Variants in GUCY1A2 observed in about 807,000 individuals in gnomAD.
GUCY1A2 encodes the protein guanylate cyclase 1 soluble subunit alpha 2.
In GUCY1A2, 27 loss-of-function variants were observed where a neutral mutation model predicts 63.5. The observed-to-expected ratio is 0.43, with a 90% CI of 0.31 to 0.59. The LOEUF (loss-of-function observed/expected upper bound fraction) is 0.59. Among genes scored for constraint, GUCY1A2 ranks in the 20% least tolerant of loss-of-function variants. The pLI is 0.11. For synonymous variants in GUCY1A2, 364 were observed against 343.5 expected, an observed-to-expected ratio of 1.06 and a Z score of -0.66; for missense variants, 768 against 913.3, an observed-to-expected ratio of 0.84 and a Z score of 2.05.
chr11:106,926,766 A>G (rs890752549), intron 4 of GUCY1A2, among the ~76,000 whole-genome samples: 6 of 151,968 alleles, frequency 3.9e-5, no homozygotes, highest in African/African-American at 1.4e-4. Flanking sequence ...CACTCGAAAG[A>G]AATGTCTGGG....
chr11:106,699,875 A>G (rs990405307), intron 7 of GUCY1A2, among the ~76,000 whole-genome samples: 9 of 150,932 alleles, frequency 6.0e-5, no homozygotes, highest in Admixed American at 1.3e-4. Context: ...TCCGCCTCCC[A>G]GGTTCACGCC....
intron 4 of GUCY1A2, among the ~76,000 whole-genome samples, chr11:106,904,440 T>G (rs1474678481): frequency 6.6e-6 from 1 of 152,158 alleles, no homozygotes; most frequent in Non-Finnish European, 1.5e-5. Context: ...AGTAAACATC[T>G]ATGTCTCAGT....
At chr11:106,788,702 G>A (rs59958515) in intron 5 of GUCY1A2, among the ~76,000 whole-genome samples, 3 of 152,128 alleles carry the variant, frequency 2.0e-5, no homozygotes, top group African/African-American at 7.2e-5. Context: ...TGTCAAAATT[G>A]AGTTAACTAT....
chr11:106,986,016 G>T, intron 2 of GUCY1A2, 54 bp downstream of exon 2: 1 of 893,838 alleles, frequency 1.1e-6, no homozygotes, highest in Non-Finnish European at 1.9e-6. Context: ...AGCTATGTTT[G>T]AGTAATTACC....
intron 4 of GUCY1A2, among the ~76,000 whole-genome samples, chr11:106,835,927 A>G (rs1392184128): frequency 6.6e-6 from 1 of 151,976 alleles, no homozygotes; most frequent in Non-Finnish European, 1.5e-5. Flanking sequence ...GGAAACAAAG[A>G]ATGGGACGAA....
chr11:106,902,774 C>A (rs992182194), intron 4 of GUCY1A2, among the ~76,000 whole-genome samples: 5 of 152,104 alleles, frequency 3.3e-5, no homozygotes, highest in Admixed American at 1.3e-4. Flanking sequence ...TGTTCCCTAA[C>A]AATACAACTA....
intron 5 of GUCY1A2, among the ~76,000 whole-genome samples, chr11:106,803,008 C>CA (rs1298624993): frequency 6.6e-6 from 1 of 152,104 alleles, no homozygotes; most frequent in Non-Finnish European, 1.5e-5. Context: ...ACAAAAACCT[C>CA]AAAACACTTT....
At chr11:106,987,482 C>G (rs1861416838) in intron 1 of GUCY1A2, among the ~76,000 whole-genome samples, 2 of 152,130 alleles carry the variant, frequency 1.3e-5, no homozygotes, top group South Asian at 2.1e-4. Flanking sequence ...GAAACCCTGT[C>G]TCTACTAAAA....
At chr11:106,822,597 A>G (rs1453435669) in intron 4 of GUCY1A2, among the ~76,000 whole-genome samples, 2 of 152,194 alleles carry the variant, frequency 1.3e-5, no homozygotes, top group Non-Finnish European at 2.9e-5. Flanking sequence ...GCTCCTACTT[A>G]TAAGTGAGAA....
At chr11:106,739,276 C>A (rs892092378) in intron 6 of GUCY1A2, among the ~76,000 whole-genome samples, 2 of 152,120 alleles carry the variant, frequency 1.3e-5, no homozygotes, top group African/African-American at 4.8e-5. Flanking sequence ...TGCTTTTCAG[C>A]TTAAGAAGAT....
intron 1 of GUCY1A2, among the ~76,000 whole-genome samples, chr11:107,011,208 T>C (rs1324886023): frequency 6.6e-6 from 1 of 152,330 alleles, no homozygotes; most frequent in South Asian, 2.1e-4. Flanking sequence ...CCTATGTGCC[T>C]ACATGTGTGT....
In GUCY1A2 at chr11:106,814,422, G is replaced by A. The variant is rs192516446; in HGVS notation, c.1207-3944C>T. ...GCTCTAGCTAAAAAAGCAGGAGACA[G>A]TGCCCAGTCTGAGAAGCTTCCATGT... On this transcript the variant is annotated intron_variant, in intron 4 of 7. Coordinates refer to ENST00000526355, the MANE Select transcript of GUCY1A2 (RefSeq NM_000855.3). Among the ~76,000 whole-genome samples, 41 of 152,188 alleles carry A rather than the reference G, an allele frequency of 2.7e-4. No individual in the cohort carries two copies. In the East Asian group the frequency reaches 5.6e-3, roughly 21 times the overall value.
At chr11:106,813,282 G>A (rs1048046034) in intron 4 of GUCY1A2, among the ~76,000 whole-genome samples, 2 of 151,956 alleles carry the variant, frequency 1.3e-5, no homozygotes, top group African/African-American at 4.8e-5. Flanking sequence ...TTTGCTCTGA[G>A]CTATAGTAAA....
intron 4 of GUCY1A2, chr11:106,825,075 A>G (rs984611442): frequency 1.0e-4 from 65 of 645,472 alleles, no homozygotes; most frequent in African/African-American, 9.9e-4. Context: ...GTATGGATCT[A>G]TATTTTCAGA....
chr11:106,893,391 A>T (rs893081908), intron 4 of GUCY1A2, among the ~76,000 whole-genome samples: 1 of 152,208 alleles, frequency 6.6e-6, no homozygotes, highest in Admixed American at 6.5e-5. Context: ...TCTTTAAAAA[A>T]AAACTTAAAG....
chr11:106,827,901 T>TC, intron 4 of GUCY1A2: 1 of 1,491,002 alleles, frequency 6.7e-7, no homozygotes, highest in Non-Finnish European at 9.3e-7. Flanking sequence ...GCTGCCGGAC[T>TC]CCCAGTGGTT....
intron 5 of GUCY1A2, among the ~76,000 whole-genome samples, chr11:106,804,903 T>C (rs1284491841): frequency 6.6e-6 from 1 of 152,162 alleles, no homozygotes; most frequent in Non-Finnish European, 1.5e-5. Flanking sequence ...TATCATCTAG[T>C]CCCCTTGGGC....
chr11:106,781,944 C>T (rs1314754909), intron 5 of GUCY1A2, among the ~76,000 whole-genome samples: 1 of 152,110 alleles, frequency 6.6e-6, no homozygotes, highest in Admixed American at 6.6e-5. Context: ...ATTTCATTCC[C>T]ATAACATTTT....
intron 4 of GUCY1A2, among the ~76,000 whole-genome samples, chr11:106,830,370 C>T (rs1469904804): frequency 6.6e-6 from 1 of 152,076 alleles, no homozygotes; most frequent in Non-Finnish European, 1.5e-5. Flanking sequence ...ATGGTTATTA[C>T]TGAATGTCAA....
Sources: allele counts gnomAD v4.1 joint callset (sites outside exome capture counted in the v4.1 genomes callset), GRCh38; gene constraint gnomAD v4.1.1; transcripts MANE v1.5; gene names NCBI Gene and HGNC (gene_info 2026-07-23, HGNC 2026-07-21).